DDX59: variants seen among roughly 807,000 people sequenced by gnomAD.
The protein encoded by DDX59 is probable ATP-dependent RNA helicase DDX59.
Under a neutral mutation model 51.9 loss-of-function variants are expected in DDX59, and 30 were observed. The observed-to-expected ratio is 0.58, with a 90% CI of 0.43 to 0.78. The LOEUF (loss-of-function observed/expected upper bound fraction) is 0.78, where lower values mean the gene tolerates loss of function less well. DDX59 is among the 30% of genes least tolerant of loss of function. The pLI, the probability that DDX59 is intolerant of heterozygous loss-of-function variation, is 0.00. For missense variants in DDX59, 672 were observed against 730.8 expected (o/e 0.92, Z 0.93); for synonymous variants, 255 against 253.3 (o/e 1.01, Z -0.06).
intron 2 of DDX59, 121 bp from the exon 3 acceptor site, chr1:200,664,207 GTCC>G: frequency 9.4e-7 from 1 of 1,064,566 alleles, no homozygotes; most frequent in Non-Finnish European, 1.3e-6. Context: ...CTGGGTATGA[GTCC>G]TCCTGCCTTC....
intron 1 of DDX59, among the ~76,000 whole-genome samples, chr1:200,668,073 C>A (rs1047404657): frequency 6.6e-6 from 1 of 151,820 alleles, no homozygotes; most frequent in Non-Finnish European, 1.5e-5. Flanking sequence ...CCGAGGCGGG[C>A]GGATCACGAG....
chr1:200,644,853 G>C lies in DDX59; in HGVS notation c.1597-336C>G, dbSNP rs1661194302. 1.5e-5 allele frequency among the ~76,000 whole-genome samples: 2 copies of C among 134,384 alleles called. 1 individual carries two copies. Among genetic ancestry groups the C allele is most frequent in the South Asian group, 4.8e-4 (2 of 4,206 alleles). The allele number at this position is 134,384 out of a possible 152,430, so 88.2% of individuals were successfully genotyped here. ...GGAGCTTGCAATGAGCTGAGATCGTGCCACTGCACTCCAGCCTGGGTGGCA... is the reference window on the plus strand; with the variant it reads ...GGAGCTTGCAATGAGCTGAGATCGTCCCACTGCACTCCAGCCTGGGTGGCA... On this transcript the variant is annotated intron_variant, in intron 7 of 7. Coordinates refer to ENST00000331314, the MANE Select transcript of DDX59 (RefSeq NM_001031725.6).
In DDX59 at chr1:200,663,188, C is replaced by T. The variant is rs553963779; in HGVS notation, c.972+731G>A. Among the ~76,000 whole-genome samples the T allele has an allele frequency of 1.4e-4, 22 of 152,296 alleles. No individual in the cohort carries two copies. The South Asian group carries it at 4.4e-3, about 30-fold the overall frequency. The stretch of plus-strand genomic sequence containing the variant: ...CCAACCCAGCTTGTCCCCTGGGTCG[C>T]CAGGGCCGCCCTACCACCCTAGTTA... On this transcript the variant is annotated intron_variant, in intron 3 of 7. Transcript: ENST00000331314.
At chr1:200,660,082 T>C (rs1571640799) in intron 3 of DDX59, among the ~76,000 whole-genome samples, 1 of 152,216 alleles carries the variant, frequency 6.6e-6, no homozygotes, top group African/African-American at 2.4e-5. Flanking sequence ...TTAACTTCTA[T>C]TGTATTTTGA....
At chr1:200,643,398 C>T (rs1017781683), downstream of DDX59, among the ~76,000 whole-genome samples, 2 of 152,090 alleles carry the variant, frequency 1.3e-5, no homozygotes, top group African/African-American at 4.8e-5. Context: ...AATCCCAGCA[C>T]TTTAGGAGGC....
At position 200,644,280 on chromosome 1, in the gene DDX59, G is replaced by A; in HGVS notation, c.1834C>T (p.His612Tyr). 1 of 1,556,986 alleles carries A rather than the reference G, an allele frequency of 6.4e-7. No homozygotes were observed. The change falls in exon 8 of 8, where the codon CAT (histidine) becomes TAT (tyrosine). Residue 612 changes from histidine to tyrosine, a missense_variant. His to Tyr is a moderately conservative substitution (Grantham distance 83). Coordinates refer to ENST00000331314, the MANE Select transcript of DDX59 (RefSeq NM_001031725.6). Reference sequence around the variant, plus strand: ...CATTTCTGAGAATTACTTTTATCATGTTTTCTGATAATATCCATAAGATTA... The same window carrying A: ...CATTTCTGAGAATTACTTTTATCATATTTTCTGATAATATCCATAAGATTA... ...GANLMDIIRK[H>Y]DKSNSQK is the part of the protein sequence containing the mutation.
At chr1:200,660,548 G>A (rs771757264) in intron 3 of DDX59, among the ~76,000 whole-genome samples, 79 of 152,042 alleles carry the variant, frequency 5.2e-4, no homozygotes, top group Middle Eastern at 3.2e-3. Flanking sequence ...TGCTGATGGC[G>A]GGAGGTAGGC....
At chr1:200,643,756 A>G (rs1432115455), downstream of DDX59, among the ~76,000 whole-genome samples, 2 of 152,184 alleles carry the variant, frequency 1.3e-5, no homozygotes, top group Non-Finnish European at 2.9e-5. Flanking sequence ...CTTATTTTTA[A>G]AACAGCATTA....
intron 3 of DDX59, among the ~76,000 whole-genome samples, chr1:200,659,993 C>G (rs1018238660): frequency 6.6e-6 from 1 of 152,118 alleles, no homozygotes; most frequent in African/African-American, 2.4e-5. Flanking sequence ...TTATTTTTAC[C>G]TTTTTTTAAA....
intron 3 of DDX59, among the ~76,000 whole-genome samples, chr1:200,660,216 T>C (rs2102901522): frequency 6.6e-6 from 1 of 152,358 alleles, no homozygotes; most frequent in Middle Eastern, 3.4e-3. Context: ...TCTGGCACAA[T>C]CTTCTTTATC....
rs61450632 is a variant in DDX59 at position 200,663,762 on chromosome 1, C to T, written c.972+157G>A. Among the ~76,000 whole-genome samples the T allele has an allele frequency of 0.13, 17,793 of 140,112 alleles. 1,521 individuals carry two copies. The highest frequency in any genetic ancestry group is 0.43 in the East Asian group (2,124 of 4,970). 91.9% of individuals were successfully genotyped at this position (140,112 alleles called of 152,430 possible). ...TGCTTCTTTCCCTTCCTATATAAAA[C>T]AAACTAAAAAAAAAAAAAAAACCTA... On this transcript the variant is annotated intron_variant, in intron 3 of 7. Transcript: ENST00000331314.
At chr1:200,644,734 A>C (rs550949362) in intron 7 of DDX59, among the ~76,000 whole-genome samples, 3 of 152,184 alleles carry the variant, frequency 2.0e-5, no homozygotes, top group East Asian at 1.9e-4. Context: ...GTCTCTACTA[A>C]AAACACAAAA....
At chr1:200,645,644 T>C (rs1440653362) in intron 7 of DDX59, among the ~76,000 whole-genome samples, 3 of 152,166 alleles carry the variant, frequency 2.0e-5, no homozygotes, top group Admixed American at 6.5e-5. Flanking sequence ...TGTCTCCAAA[T>C]AGATAATGAA....
At chr1:200,663,461 A>G (rs967562997) in intron 3 of DDX59, among the ~76,000 whole-genome samples, 1 of 152,232 alleles carries the variant, frequency 6.6e-6, no homozygotes. Flanking sequence ...TTGCTTTTAC[A>G]TACTTTTACA....
Position 200,666,129 on chromosome 1 carries a change from G to C in DDX59, c.612C>G (p.Asp204Glu). Reference sequence around the variant, plus strand: ...CCTCAGGGAGACTACAATGTTCAAAGTCAATAATGGGCCTGGTGACTTCTT... The same window carrying C: ...CCTCAGGGAGACTACAATGTTCAAACTCAATAATGGGCCTGGTGACTTCTT... ...QGQEVTRPII[D>E]FEHCSLPEVL... is the part of the protein sequence containing the mutation. The change falls in exon 2 of 8, where the codon GAC (aspartate) becomes GAG (glutamate). Residue 204 changes from aspartate to glutamate, a missense_variant. Asp to Glu is a conservative substitution (Grantham distance 45). Transcript: ENST00000331314. The C allele has an allele frequency of 6.2e-7, 1 of 1,614,184 alleles. No homozygotes were observed. The highest frequency in any genetic ancestry group is 8.5e-7 in the Non-Finnish European group (1 of 1,180,044).
chr1:200,651,562 GAA>G (rs1661664166), intron 4 of DDX59, among the ~76,000 whole-genome samples: 1 of 152,124 alleles, frequency 6.6e-6, no homozygotes, highest in African/African-American at 2.4e-5. Flanking sequence ...AGAACTGTGG[GAA>G]AAAGTTTCTG....
Position 200,665,992 on chromosome 1 carries a change from C to T in DDX59, c.749G>A (p.Gly250Asp). 2.5e-6 allele frequency: 4 copies of T among 1,612,946 alleles called. No individual in the cohort carries two copies. Among genetic ancestry groups the T allele is most frequent in the Non-Finnish European group, 3.4e-6 (4 of 1,179,658 alleles). ...AAGAAAAGCAGCTGTTTTTCCTGAG[C>T]CAGTATCTGCACTGGCCAGAATGTC... Reference protein sequence around the residue: ...GRDILASADTGSGKTAAFLLP... With the variant: ...GRDILASADTDSGKTAAFLLP... Residue 250 changes from glycine (G) to aspartate (D), a missense_variant, in exon 2 of 8, where the codon GGC (glycine) becomes GAC (aspartate). By Grantham distance (94) the Gly-to-Asp change is moderately conservative (BLOSUM62 -1). Transcript: ENST00000331314.
At chr1:200,661,003 A>T (rs1260034954) in intron 3 of DDX59, among the ~76,000 whole-genome samples, 3 of 152,244 alleles carry the variant, frequency 2.0e-5, no homozygotes, top group Non-Finnish European at 4.4e-5. Context: ...CACATAGCCC[A>T]GATCTTTCTT....
At chr1:200,645,140 G>A (rs1661218823) in intron 7 of DDX59, among the ~76,000 whole-genome samples, 1 of 152,138 alleles carries the variant, frequency 6.6e-6, no homozygotes, top group African/African-American at 2.4e-5. Flanking sequence ...ATGACATAAA[G>A]ATGTTTCTTA....
Sources: allele counts gnomAD v4.1 joint callset (sites outside exome capture counted in the v4.1 genomes callset), GRCh38; gene constraint gnomAD v4.1.1; transcripts MANE v1.5; gene names NCBI Gene and HGNC (gene_info 2026-07-23, HGNC 2026-07-21).